The following PSMC1 variants were observed in gnomAD, a reference collection of about 807,000 sequenced individuals.
The protein encoded by PSMC1 is proteasome 26S subunit, ATPase 1, also known as 26S proteasome regulatory subunit 4.
A neutral mutation model predicts 49.8 loss-of-function variants in PSMC1; 5 were observed. That is an observed-to-expected ratio of 0.10 (90% CI 0.05 to 0.21). The LOEUF is 0.21. Among genes scored for constraint, PSMC1 ranks in the 10% least tolerant of loss-of-function variants. The pLI is 1.00. For synonymous variants in PSMC1, 155 were observed against 192.1 expected (o/e 0.81, Z 1.60); for missense variants, 181 against 535.7 (o/e 0.34, Z 6.54).
chr14:90,257,656 T>C (rs953156372), intron 1 of PSMC1, among the ~76,000 whole-genome samples: 1 of 152,208 alleles, frequency 6.6e-6, no homozygotes, highest in African/African-American at 2.4e-5. Flanking sequence ...TCGTCCAGGC[T>C]GGAGTGCAGT....
In PSMC1 at chr14:90,266,253, C is replaced by CAAA. The variant is rs1295099578; in HGVS notation, c.691+1096_691+1098dup. On this transcript the variant is annotated intron_variant, in intron 7 of 10. Coordinates refer to ENST00000261303, the MANE Select transcript of PSMC1 (RefSeq NM_002802.3). Reference sequence around the variant, plus strand: ...CTGGGTGACAGAGCGAGACCATCTCCAAAAAAAAAAACAAAAAAAACCCAC... The same window carrying CAAA: ...CTGGGTGACAGAGCGAGACCATCTCCAAAAAAAAAAAAAACAAAAAAAACCCAC... 3.8e-3 allele frequency among the ~76,000 whole-genome samples: 499 copies of CAAA among 130,902 alleles called. 4 individuals are homozygous for CAAA. The highest frequency in any genetic ancestry group is 0.013 in the African/African-American group (484 of 36,264). 85.9% of individuals were successfully genotyped at this position (130,902 alleles called of 152,430 possible).
At chr14:90,263,982 C>T (rs1891455753) in intron 5 of PSMC1, 59 bp from the exon 6 acceptor site, 1 of 1,586,046 alleles carries the variant, frequency 6.3e-7, no homozygotes, top group Middle Eastern at 1.7e-4. Context: ...CATTGCTTTG[C>T]TGTAAACAGA....
In PSMC1 at chr14:90,272,561, T is replaced by C. The variant is rs562422202; in HGVS notation, c.*154T>C. 25 of 580,992 alleles carry C rather than the reference T, an allele frequency of 4.3e-5. No individual in the cohort carries two copies. Among genetic ancestry groups the C allele is most frequent in the East Asian group, 3.3e-4 (11 of 32,934 alleles). The allele number at this position is 580,992 out of a possible 1,614,324, so 36.0% of individuals were successfully genotyped here. On this transcript the variant is annotated 3_prime_UTR_variant, in exon 11 of 11. Coordinates refer to ENST00000261303, the MANE Select transcript of PSMC1 (RefSeq NM_002802.3). The surrounding 1 kb of genome is among the most constrained non-coding windows in gnomAD (Gnocchi z 4.5). ...TTGGAGTACGATGTGTAAGTGCCCA[T>C]TGGGTGGCCTGTTGGTCACTGTGCA...
In PSMC1 at chr14:90,265,096, T is replaced by C. The variant is rs1891478962; in HGVS notation, c.621T>C (p.His207=). The part of the protein sequence containing the change: ...IKESVELPLT[H]PEYYEEMGIK... ...AATCTGTGGAGCTTCCTCTCACCCATCCTGAATATTATGAAGAGATGGGTA... is the reference window on the plus strand; with the variant it reads ...AATCTGTGGAGCTTCCTCTCACCCACCCTGAATATTATGAAGAGATGGGTA... Residue 207 remains histidine, a synonymous_variant, in exon 7 of 11, where the codon CAT becomes CAC. Transcript: ENST00000261303. The C allele has an allele frequency of 6.2e-7, 1 of 1,612,590 alleles. No individual in the cohort carries two copies. The highest frequency in any genetic ancestry group is 1.7e-5 in the Admixed American group (1 of 59,948).
chr14:90,268,513 A>G (rs1595045198), intron 8 of PSMC1, 100 bp downstream of exon 8: 1 of 1,213,734 alleles, frequency 8.2e-7, no homozygotes, highest in East Asian at 2.3e-5. Flanking sequence ...CTATGGCCAC[A>G]GTTCTTGCTG....
rs750878841 is a variant in PSMC1 at position 90,263,456 on chromosome 14, T to A, written c.279+14T>A. 7 of 1,560,910 alleles carry A rather than the reference T, an allele frequency of 4.5e-6. No homozygotes were observed. In the Admixed American group the frequency reaches 1.5e-4, roughly 34 times the overall value. On this transcript the variant is annotated intron_variant, in intron 4 of 10. Transcript: ENST00000261303. ...GAAAAGCAAGAGGTAAGTTGAAAAG[T>A]TACTATCATTTTCTTTTTTACAAAT...
intron 9 of PSMC1, chr14:90,269,894 T>C (rs886307062): frequency 1.3e-5 from 5 of 378,050 alleles, no homozygotes; most frequent in Non-Finnish European, 2.4e-5. Flanking sequence ...AACAGTGATT[T>C]GTTTGCTGTC....
At chr14:90,258,672 G>A (rs1292404742) in intron 1 of PSMC1, among the ~76,000 whole-genome samples, 1 of 152,212 alleles carries the variant, frequency 6.6e-6, no homozygotes, top group African/African-American at 2.4e-5. Flanking sequence ...GCTATTGGAA[G>A]GAAAGTCTTC....
At chr14:90,264,270 C>T in intron 6 of PSMC1, 101 bp downstream of exon 6, 1 of 1,506,340 alleles carries the variant, frequency 6.6e-7, no homozygotes, top group Middle Eastern at 1.7e-4. Flanking sequence ...ATTTATTAAT[C>T]AAACCAGTAG....
rs1491397403 is a variant in PSMC1 at position 90,274,838 on chromosome 14, A to ACAC, written c.*2432_*2433insACC. ...CACACACACACACACACACACACACACCCCAATACATATGAATTGATCTGA... is the reference window on the plus strand; with the variant it reads ...CACACACACACACACACACACACACACACCCCCAATACATATGAATTGATCTGA... On this transcript the variant is annotated 3_prime_UTR_variant, in exon 11 of 11. Transcript: ENST00000261303. 10 of 67,218 alleles carry ACAC rather than the reference A, an allele frequency of 1.5e-4. No individual in the cohort carries two copies. The highest frequency in any genetic ancestry group is 1.0e-3 in the East Asian group (3 of 2,956). The allele number at this position is 67,218 out of a possible 1,614,324, so 4.2% of individuals were successfully genotyped here. A position where few individuals can be genotyped will look rare whatever the true frequency, so the allele number is the denominator to read the frequency against.
At chr14:90,269,290 C>A in intron 8 of PSMC1, 107 bp from the exon 9 acceptor site, 1 of 978,792 alleles carries the variant, frequency 1.0e-6, no homozygotes, top group South Asian at 1.8e-5. Flanking sequence ...TGAGTTGAAA[C>A]AGGAATGTTT....
intron 1 of PSMC1, among the ~76,000 whole-genome samples, chr14:90,257,892 A>G (rs1018625710): frequency 1.3e-5 from 2 of 152,210 alleles, no homozygotes; most frequent in African/African-American, 2.4e-5. Flanking sequence ...GCCCGGCCTC[A>G]TAGAGGTCTT....
rs1161377137 is a variant in PSMC1, at chr14:90,273,181, T to C, written c.*774T>C. Reference sequence around the variant, plus strand: ...CGTTCCCTTGACAGGTGGCCTGGTGTGGGTTGTAGGGCCCACACTGAATGA... The same window carrying C: ...CGTTCCCTTGACAGGTGGCCTGGTGCGGGTTGTAGGGCCCACACTGAATGA... On this transcript the variant is annotated 3_prime_UTR_variant, in exon 11 of 11. Transcript: ENST00000261303. 1.3e-5 allele frequency: 2 copies of C among 152,182 alleles called. No individual in the cohort carries two copies. Among genetic ancestry groups the C allele is most frequent in the Non-Finnish European group, 2.9e-5 (2 of 68,050 alleles). The allele number at this position is 152,182 out of a possible 1,614,324, so 9.4% of individuals were successfully genotyped here. A position where few individuals can be genotyped will look rare whatever the true frequency, so the allele number is the denominator to read the frequency against.
chr14:90,269,313 T>C, intron 8 of PSMC1, 84 bp from the exon 9 acceptor site: 5 of 1,218,482 alleles, frequency 4.1e-6, no homozygotes, highest in Non-Finnish European at 5.7e-6. Context: ...TAAGGTGTTT[T>C]GTCACAATGA....
chr14:90,259,004 T>C (rs1484380099), intron 1 of PSMC1, among the ~76,000 whole-genome samples, 156 bp from the exon 2 acceptor site: 1 of 152,200 alleles, frequency 6.6e-6, no homozygotes, highest in Non-Finnish European at 1.5e-5. Flanking sequence ...AATGCACACA[T>C]TGACTGCAAG....
chr14:90,256,685 C>G (rs954085932), intron 1 of PSMC1, 85 bp downstream of exon 1: 17 of 1,542,496 alleles, frequency 1.1e-5, no homozygotes, highest in Non-Finnish European at 1.5e-5. Context: ...AGGCGGCTGC[C>G]CGAGGAACTG....
At chr14:90,260,083 AT>A (rs34687657) in intron 2 of PSMC1, 31 bp from the exon 3 acceptor site, 52 of 1,246,352 alleles carry the variant, frequency 4.2e-5, no homozygotes, top group Admixed American at 1.8e-4. Flanking sequence ...TTTTCATGTG[AT>A]TTTTTTTTCC....
At chr14:90,263,961 GC>G in intron 5 of PSMC1, 79 bp from the exon 6 acceptor site, 1 of 1,579,684 alleles carries the variant, frequency 6.3e-7, no homozygotes, top group Non-Finnish European at 8.6e-7. Flanking sequence ...GCAGAAGGAT[GC>G]CATGACTGGC....
rs1491397403 is a variant in PSMC1 at position 90,274,838 on chromosome 14, A to ACACACCCCCC, written c.*2432_*2433insACACCCCCCC. The ACACACCCCCC allele has an allele frequency of 2.1e-4, 14 of 67,218 alleles. No individual in the cohort carries two copies. Among genetic ancestry groups the ACACACCCCCC allele is most frequent in the South Asian group, 3.8e-4 (1 of 2,654 alleles). The allele number at this position is 67,218 out of a possible 1,614,324, so 4.2% of individuals were successfully genotyped here. A position where few individuals can be genotyped will look rare whatever the true frequency, so the allele number is the denominator to read the frequency against. ...CACACACACACACACACACACACAC[A>ACACACCCCCC]CCCCAATACATATGAATTGATCTGA... On this transcript the variant is annotated 3_prime_UTR_variant, in exon 11 of 11. Transcript: ENST00000261303.
Sources: gnomAD v4.1 joint callset for allele counts (sites outside exome capture counted in the v4.1 genomes callset) on GRCh38, gnomAD v4.1.1 for gene constraint, Gnocchi (gnomAD v3.1) non-coding constraint, MANE v1.5 for transcripts, NCBI Gene and HGNC (gene_info 2026-07-23, HGNC 2026-07-21) for gene names.